DAB1: variants seen among roughly 807,000 people sequenced by gnomAD.
DAB1 encodes disabled homolog 1.
DAB1 carries 15 observed loss-of-function variants against 64.6 expected under a neutral mutation model. That is an observed-to-expected ratio of 0.23 (90% CI 0.16 to 0.36). DAB1 has a LOEUF of 0.36. Ranked by LOEUF, DAB1 falls within the 10% of genes least tolerant of loss-of-function variation. The pLI is 1.00. For missense variants in DAB1, 596 were observed against 706.7 expected (o/e 0.84, Z 1.78); for synonymous variants, 235 against 251.9 (o/e 0.93, Z 0.64).
chr1:58,252,123 A>C (rs1333745247), intron 4 of DAB1, among the ~76,000 whole-genome samples: 1 of 152,224 alleles, frequency 6.6e-6, no homozygotes, highest in Non-Finnish European at 1.5e-5. Context: ...AAGGCACCTA[A>C]GGTGCTAAAT....
At chr1:57,567,631 T>C (rs1253278302) in intron 7 of DAB1, among the ~76,000 whole-genome samples, 1 of 152,032 alleles carries the variant, frequency 6.6e-6, no homozygotes, top group Non-Finnish European at 1.5e-5. Flanking sequence ...TATACACCAA[T>C]AACAGACAAA....
intron 5 of DAB1, among the ~76,000 whole-genome samples, chr1:58,047,428 G>A (rs933040769): frequency 2.0e-5 from 3 of 152,118 alleles, no homozygotes; most frequent in Admixed American, 6.5e-5. Context: ...GTGGGCCTTC[G>A]CTGCTGCTGC....
Position 57,837,085 on chromosome 1 carries a change from G to C in DAB1, n.88-10630C>G, listed in dbSNP as rs148931086. Among the ~76,000 whole-genome samples, 325 of 152,188 alleles carry C rather than the reference G, an allele frequency of 2.1e-3. 1 individual carries two copies. The highest frequency in any genetic ancestry group is 7.5e-3 in the African/African-American group (313 of 41,494). On this transcript the variant is annotated intron_variant and non_coding_transcript_variant, in intron 1 of 1. Transcript: ENST00000477280. ...ATCCATTTCCACTGCCACTACCCTA[G>C]TCCAAACTGGCAGTCTTTCTCAGGC...
intron 4 of DAB1, among the ~76,000 whole-genome samples, chr1:57,100,920 C>G (rs1324055559): frequency 2.6e-5 from 4 of 152,056 alleles, no homozygotes; most frequent in South Asian, 2.1e-4. Context: ...TATTTTTTAG[C>G]CTTTATCATA....
At chr1:57,297,472 G>GA (rs765387626) in intron 1 of DAB1, among the ~76,000 whole-genome samples, 11 of 152,032 alleles carry the variant, frequency 7.2e-5, no homozygotes, top group Admixed American at 2.0e-4. Context: ...AGATGATTCA[G>GA]AAAAAACACA....
rs147261503 is a variant in DAB1, at chr1:57,672,286, G to A, written n.552-22621C>T. Among the ~76,000 whole-genome samples the A allele has an allele frequency of 1.3e-3, 202 of 152,242 alleles. 1 individual carries two copies. Among genetic ancestry groups the A allele is most frequent in the African/African-American group, 4.0e-3 (167 of 41,550 alleles). On this transcript the variant is annotated intron_variant and non_coding_transcript_variant, in intron 6 of 20. Transcript: ENST00000485760. ...GGTTATTATCATCCCCTGCTGAAGC[G>A]TTTGTAGGATCTCTTTTAATTAAAA...
intron 3 of DAB1, among the ~76,000 whole-genome samples, chr1:58,500,976 A>G (rs1645897783): frequency 6.6e-6 from 1 of 152,216 alleles, no homozygotes; most frequent in Non-Finnish European, 1.5e-5. Context: ...GTGTAACTAT[A>G]ATTTTAAAAC....
At chr1:58,247,258 T>TCCCCC (rs753824873) in intron 4 of DAB1, among the ~76,000 whole-genome samples, 1 of 112,138 alleles carries the variant, frequency 8.9e-6, no homozygotes, top group Non-Finnish European at 1.9e-5. Context: ...ATTTTTCATT[T>TCCCCC]CCCCCCCCGC....
At chr1:57,800,075 T>G (rs1651053424) in intron 6 of DAB1, among the ~76,000 whole-genome samples, 1 of 152,210 alleles carries the variant, frequency 6.6e-6, no homozygotes, top group South Asian at 2.1e-4. Context: ...GTGTTTTATC[T>G]GTATAATTAT....
At chr1:58,403,862 A>G (rs1029415949) in intron 3 of DAB1, among the ~76,000 whole-genome samples, 21 of 152,098 alleles carry the variant, frequency 1.4e-4, no homozygotes, top group African/African-American at 5.1e-4. Flanking sequence ...GTCACTAAAC[A>G]GGATTTTGAA....
intron 2 of DAB1, among the ~76,000 whole-genome samples, chr1:57,176,733 T>A (rs956933835): frequency 6.6e-6 from 1 of 151,930 alleles, no homozygotes; most frequent in Non-Finnish European, 1.5e-5. Flanking sequence ...ATCCTTCTGG[T>A]TATGGGCAAA....
chr1:57,778,708 T>C (rs763759631), intron 6 of DAB1, among the ~76,000 whole-genome samples: 16 of 152,142 alleles, frequency 1.1e-4, no homozygotes, highest in Non-Finnish European at 2.2e-4. Flanking sequence ...AAATAACTTC[T>C]TCTTACATCA....
intron 7 of DAB1, among the ~76,000 whole-genome samples, chr1:57,590,338 TGA>T (rs1175451214): frequency 6.8e-6 from 1 of 146,014 alleles, no homozygotes; most frequent in Non-Finnish European, 1.5e-5. Flanking sequence ...TTATTTATTT[TGA>T]GATGGAGTCT....
At chr1:57,880,894 A>G (rs1163680863) in intron 1 of DAB1, 1 of 152,228 alleles carries the variant, frequency 6.6e-6, no homozygotes, top group Admixed American at 6.5e-5. Flanking sequence ...ATAAAATTTC[A>G]AAATATAAAA....
chr1:57,342,815 AGTT>A (rs1284426982), intron 1 of DAB1, among the ~76,000 whole-genome samples: 1 of 148,040 alleles, frequency 6.8e-6, no homozygotes, highest in Non-Finnish European at 1.5e-5. Context: ...GCGTGTCTGG[AGTT>A]GTTGGTTCCT....
intron 5 of DAB1, among the ~76,000 whole-genome samples, chr1:58,102,344 A>G (rs1651372578): frequency 1.3e-5 from 2 of 152,268 alleles, no homozygotes; most frequent in South Asian, 4.1e-4. Flanking sequence ...GGAGAAAGAG[A>G]GTGTGATCAA....
At position 58,262,758 on chromosome 1, in the gene DAB1, G is replaced by A. The variant is rs182025130; in HGVS notation, n.309+80594C>T. On this transcript the variant is annotated intron_variant and non_coding_transcript_variant, in intron 4 of 20. Transcript: ENST00000485760. ...CAATTATTCATCCCAATTAACATAGGCAGGACCTCTGATTTGCTTAATCCA... is the reference window on the plus strand; with the variant it reads ...CAATTATTCATCCCAATTAACATAGACAGGACCTCTGATTTGCTTAATCCA... 1.1e-3 allele frequency among the ~76,000 whole-genome samples: 171 copies of A among 152,188 alleles called. 1 individual carries two copies. Among genetic ancestry groups the A allele is most frequent in the African/African-American group, 3.9e-3 (162 of 41,522 alleles).
chr1:57,226,663 TAAA>T (rs71713506), intron 2 of DAB1, among the ~76,000 whole-genome samples: 2 of 120,988 alleles, frequency 1.7e-5, no homozygotes, highest in East Asian at 4.4e-4. Context: ...CAAAAGTGGT[TAAA>T]AAAAAAATAT....
At chr1:57,627,806 C>T (rs1285357572) in intron 7 of DAB1, among the ~76,000 whole-genome samples, 1 of 152,190 alleles carries the variant, frequency 6.6e-6, no homozygotes, top group South Asian at 2.1e-4. Flanking sequence ...GCAGAATATG[C>T]TGCATCATGT....
Sources: gnomAD v4.1 joint callset for allele counts (sites outside exome capture counted in the v4.1 genomes callset) on GRCh38, gnomAD v4.1.1 for gene constraint, MANE v1.5 for transcripts, NCBI Gene and HGNC (gene_info 2026-07-23, HGNC 2026-07-21) for gene names.